Variants in FOXP1 observed in about 807,000 individuals in gnomAD.
FOXP1 encodes the protein forkhead box protein P1.
A neutral mutation model predicts 98.2 loss-of-function variants in FOXP1; 15 were observed. That is an observed-to-expected ratio of 0.15 (90% CI 0.10 to 0.24). The LOEUF is 0.24. FOXP1 is among the 10% of genes least tolerant of loss of function. The pLI is 1.00. For missense variants in FOXP1, 633 were observed against 848.5 expected, an observed-to-expected ratio of 0.75 and a Z score of 3.15; for synonymous variants, 371 against 314.5, an observed-to-expected ratio of 1.18 and a Z score of -1.90.
chr3:71,349,126 G>T (rs1405676075), intron 4 of FOXP1, among the ~76,000 whole-genome samples: 1 of 152,094 alleles, frequency 6.6e-6, no homozygotes, highest in Non-Finnish European at 1.5e-5. Flanking sequence ...AAATAAAAAT[G>T]CAATGCATCC....
At chr3:71,451,782 A>T (rs2086983193) in intron 3 of FOXP1, among the ~76,000 whole-genome samples, 1 of 152,208 alleles carries the variant, frequency 6.6e-6, no homozygotes, top group Non-Finnish European at 1.5e-5. Context: ...AAATGTGTAG[A>T]AAATACTAGA....
At chr3:71,583,877 C>T, upstream of FOXP1, 4 of 985,560 alleles carry the variant, frequency 4.1e-6, no homozygotes, top group African/African-American at 1.7e-5. Flanking sequence ...GACCCTCTAC[C>T]TCCCGCAGGG....
intron 2 of FOXP1, among the ~76,000 whole-genome samples, chr3:71,546,810 C>T (rs2045398908): frequency 1.3e-5 from 2 of 152,324 alleles, no homozygotes; most frequent in South Asian, 4.1e-4. Flanking sequence ...GTGATTTCTC[C>T]TGCAAGGACT....
At chr3:71,237,568 T>C (rs2066907141) in intron 5 of FOXP1, among the ~76,000 whole-genome samples, 1 of 152,170 alleles carries the variant, frequency 6.6e-6, no homozygotes, top group East Asian at 1.9e-4. Context: ...CTGTCATCAC[T>C]TCCCATGCTT....
At chr3:71,133,482 A>C (rs1209187449) in intron 6 of FOXP1, among the ~76,000 whole-genome samples, 3 of 152,234 alleles carry the variant, frequency 2.0e-5, no homozygotes, top group Non-Finnish European at 2.9e-5. Context: ...TTGAATGTGA[A>C]ATGGCTTCAC....
At position 71,464,138 on chromosome 3, in the gene FOXP1, C is replaced by T. The variant is rs558426892; in HGVS notation, c.-168+29288G>A. 6.2e-4 allele frequency among the ~76,000 whole-genome samples: 94 copies of T among 152,148 alleles called. 1 individual carries two copies. The highest frequency in any genetic ancestry group is 2.1e-3 in the African/African-American group (88 of 41,512). ...ACAAGAAATTTAAAAATTAGCTGGG[C>T]GTGATGGCACATGCTGTGGTCCCAG... On this transcript the variant is annotated intron_variant, in intron 3 of 20. Coordinates refer to ENST00000649528, the MANE Select transcript of FOXP1 (RefSeq NM_001349338.3).
chr3:71,346,638 G>C lies in FOXP1; in HGVS notation c.-73+12512C>G, dbSNP rs149260115. The stretch of plus-strand genomic sequence containing the variant: ...GGCTTCTTGAGGACCACGGATGCGG[G>C]GTAAGACTTTTCCATCTCAAGGGAT... On this transcript the variant is annotated intron_variant, in intron 4 of 20. Coordinates refer to ENST00000649528, the MANE Select transcript of FOXP1 (RefSeq NM_001349338.3). Among the ~76,000 whole-genome samples, 1,216 of 152,142 alleles carry C rather than the reference G, an allele frequency of 8.0e-3. 3 individuals carry two copies. Among genetic ancestry groups the C allele is most frequent in the Non-Finnish European group, 0.012 (816 of 67,992 alleles).
chr3:71,457,025 C>A (rs1347340508), intron 3 of FOXP1, among the ~76,000 whole-genome samples: 1 of 151,884 alleles, frequency 6.6e-6, no homozygotes, highest in Non-Finnish European at 1.5e-5. Flanking sequence ...TTGGAGAGTG[C>A]TGACAGAATG....
At chr3:71,135,267 A>G (rs2059766836) in intron 6 of FOXP1, among the ~76,000 whole-genome samples, 1 of 151,760 alleles carries the variant, frequency 6.6e-6, no homozygotes, top group Non-Finnish European at 1.5e-5. Context: ...AAAAAAAAAA[A>G]AAAAAAAAAA....
At chr3:71,049,067 G>C (rs942265550) in intron 9 of FOXP1, among the ~76,000 whole-genome samples, 3 of 152,052 alleles carry the variant, frequency 2.0e-5, no homozygotes, top group Non-Finnish European at 4.4e-5. Flanking sequence ...CACAGGATAC[G>C]GGTCCATTTG....
intron 13 of FOXP1, among the ~76,000 whole-genome samples, chr3:70,991,367 C>T (rs901639417): frequency 8.5e-5 from 13 of 152,116 alleles, no homozygotes; most frequent in African/African-American, 2.9e-4. Context: ...AGGTTTAAGA[C>T]AGTCTGGGCT....
intron 5 of FOXP1, among the ~76,000 whole-genome samples, chr3:71,287,301 G>A (rs924216847): frequency 6.6e-6 from 1 of 152,008 alleles, no homozygotes; most frequent in East Asian, 1.9e-4. Flanking sequence ...GCGAAACCCT[G>A]TCTCTAAAAA....
chr3:71,470,036 T>C (rs922864811), intron 3 of FOXP1, among the ~76,000 whole-genome samples: 1 of 151,662 alleles, frequency 6.6e-6, no homozygotes, highest in Non-Finnish European at 1.5e-5. Flanking sequence ...TTTCAAAATA[T>C]TGCAGATAAA....
chr3:71,452,691 T>C (rs2108505248), intron 3 of FOXP1, among the ~76,000 whole-genome samples: 1 of 152,300 alleles, frequency 6.6e-6, no homozygotes, highest in Admixed American at 6.5e-5. Context: ...CAGGAGTGCC[T>C]GCCTCCCTCC....
chr3:70,976,125 C>A (rs1382064552), intron 17 of FOXP1, among the ~76,000 whole-genome samples: 1 of 149,708 alleles, frequency 6.7e-6, no homozygotes, highest in African/African-American at 2.5e-5. Context: ...ACAGGGCTCA[C>A]TGCAGCCTCA....
intron 3 of FOXP1, among the ~76,000 whole-genome samples, chr3:71,437,738 G>T (rs2108435475): frequency 6.6e-6 from 1 of 152,268 alleles, no homozygotes; most frequent in South Asian, 2.1e-4. Flanking sequence ...ATGCCTTTGG[G>T]AATAAAAAGA....
intron 3 of FOXP1, among the ~76,000 whole-genome samples, chr3:71,463,393 G>A (rs2088357982): frequency 6.8e-6 from 1 of 147,820 alleles, no homozygotes; most frequent in Admixed American, 6.7e-5. Context: ...CACCAAGGGG[G>A]AATATACCCA....
intron 3 of FOXP1, among the ~76,000 whole-genome samples, chr3:71,492,988 A>G (rs575128323): frequency 8.5e-5 from 13 of 152,330 alleles, no homozygotes; most frequent in Middle Eastern, 6.8e-3. Context: ...TGGCTTTCTC[A>G]TAAGTCCTGA....
In FOXP1 at chr3:71,191,919, T is replaced by G. The variant is rs540244098; in HGVS notation, c.180+6283A>C. Among the ~76,000 whole-genome samples, 15 of 152,352 alleles carry G rather than the reference T, an allele frequency of 9.8e-5. 1 individual carries two copies. The East Asian group carries it at 1.7e-3, about 18-fold the overall frequency. ...TCAATACTTTTCACGTTATTTGAACTATGCAAGGTCTTCAATAAAAGTGTA... is the reference window on the plus strand; with the variant it reads ...TCAATACTTTTCACGTTATTTGAACGATGCAAGGTCTTCAATAAAAGTGTA... On this transcript the variant is annotated intron_variant, in intron 6 of 20. Coordinates refer to ENST00000649528, the MANE Select transcript of FOXP1 (RefSeq NM_001349338.3).
Sources: gnomAD v4.1 joint callset for allele counts (sites outside exome capture counted in the v4.1 genomes callset) on GRCh38, gnomAD v4.1.1 for gene constraint, MANE v1.5 for transcripts, NCBI Gene and HGNC (gene_info 2026-07-23, HGNC 2026-07-21) for gene names.